Variants in MAST2 observed in about 807,000 individuals in gnomAD.
MAST2 encodes the protein microtubule associated serine/threonine kinase 2, also known as microtubule-associated serine/threonine-protein kinase 2.
In MAST2, 70 loss-of-function variants were observed where a neutral mutation model predicts 147.4. The observed-to-expected ratio is 0.47, with a 90% CI of 0.39 to 0.58. MAST2 has a LOEUF of 0.58. Ranked by LOEUF, MAST2 falls within the 20% of genes least tolerant of loss-of-function variation. MAST2 has a pLI of 0.00. For missense variants in MAST2, 2,080 were observed against 2,302.3 expected (o/e 0.90, Z 1.98); for synonymous variants, 869 against 896.8 (o/e 0.97, Z 0.55).
intron 5 of MAST2, among the ~76,000 whole-genome samples, chr1:45,969,182 C>A (rs1406659445): frequency 6.6e-6 from 1 of 152,300 alleles, no homozygotes; most frequent in East Asian, 1.9e-4. Context: ...TCATATCTGA[C>A]TCTGGTTCTG....
intron 4 of MAST2, among the ~76,000 whole-genome samples, chr1:45,946,942 A>G (rs1570871763): frequency 6.6e-6 from 1 of 152,112 alleles, no homozygotes; most frequent in East Asian, 1.9e-4. Flanking sequence ...CCTCTCGTCC[A>G]TGAAGTTAGG....
At chr1:45,825,122 T>A (rs1644752284) in intron 2 of MAST2, among the ~76,000 whole-genome samples, 1 of 152,098 alleles carries the variant, frequency 6.6e-6, no homozygotes, top group Non-Finnish European at 1.5e-5. Flanking sequence ...GCCTCCCGGA[T>A]TCATGCCATT....
intron 4 of MAST2, among the ~76,000 whole-genome samples, chr1:45,927,578 G>A (rs1263457488): frequency 2.0e-5 from 3 of 152,136 alleles, no homozygotes; most frequent in Non-Finnish European, 4.4e-5. Context: ...ACTCACCGGC[G>A]GTCAGAGTTT....
intron 15 of MAST2, among the ~76,000 whole-genome samples, chr1:46,024,873 C>T (rs1646337819): frequency 6.6e-6 from 1 of 152,180 alleles, no homozygotes; most frequent in African/African-American, 2.4e-5. Context: ...AAAGGCATAC[C>T]AGAGACTGGG....
chr1:45,882,397 T>G lies in MAST2; in HGVS notation c.500+2T>G, dbSNP rs758954416. 6.2e-7 allele frequency: 1 copy of G among 1,609,828 alleles called. No individual in the cohort carries two copies. Among genetic ancestry groups the G allele is most frequent in the South Asian group, 1.1e-5 (1 of 90,954 alleles). Reference sequence around the variant, plus strand: ...GAGCCTTCCAAGAAGAGGCAGCTTGTAAGTAGATGATTATTACCATTATGA... The same window carrying G: ...GAGCCTTCCAAGAAGAGGCAGCTTGGAAGTAGATGATTATTACCATTATGA... On this transcript the variant is annotated splice_donor_variant, in intron 4 of 28. Coordinates refer to ENST00000361297, the MANE Select transcript of MAST2 (RefSeq NM_015112.3). LOFTEE classifies it high-confidence loss of function.
At chr1:45,837,119 C>CT (rs1196220206) in intron 3 of MAST2, among the ~76,000 whole-genome samples, 1 of 152,200 alleles carries the variant, frequency 6.6e-6, no homozygotes, top group Non-Finnish European at 1.5e-5. Flanking sequence ...GCCATGTGGC[C>CT]TGGTCCCTAA....
At chr1:45,931,979 C>T (rs1424689211) in intron 4 of MAST2, among the ~76,000 whole-genome samples, 1 of 152,196 alleles carries the variant, frequency 6.6e-6, no homozygotes, top group Admixed American at 6.5e-5. Context: ...GCGTGAGCTA[C>T]TGCACCCAGC....
At chr1:45,935,101 G>T (rs1655986971) in intron 4 of MAST2, among the ~76,000 whole-genome samples, 1 of 152,192 alleles carries the variant, frequency 6.6e-6, no homozygotes, top group African/African-American at 2.4e-5. Flanking sequence ...ATTCTGGTTA[G>T]TGTAAAATGG....
intron 4 of MAST2, among the ~76,000 whole-genome samples, chr1:45,910,652 CAAAT>C (rs937644258): frequency 1.9e-4 from 29 of 152,278 alleles, no homozygotes; most frequent in African/African-American, 6.7e-4. Flanking sequence ...AGGAAGAAAT[CAAAT>C]AAATGGATGT....
intron 7 of MAST2, among the ~76,000 whole-genome samples, chr1:46,005,838 G>A (rs987714854): frequency 6.6e-6 from 1 of 152,152 alleles, no homozygotes; most frequent in Non-Finnish European, 1.5e-5. Flanking sequence ...GCAGCCAAAA[G>A]GAAACATTGC....
intron 4 of MAST2, among the ~76,000 whole-genome samples, chr1:45,897,285 A>C (rs1648893555): frequency 6.6e-6 from 1 of 152,204 alleles, no homozygotes; most frequent in Non-Finnish European, 1.5e-5. Flanking sequence ...ACCATCAGGC[A>C]ATATAGTTGC....
intron 4 of MAST2, among the ~76,000 whole-genome samples, chr1:45,939,989 T>TTTTTTTTTTTTTGTTTTTTTTG (rs1656969958): frequency 3.1e-5 from 4 of 128,926 alleles, no homozygotes; most frequent in East Asian, 2.4e-4. Flanking sequence ...GGTTTTTTTT[T>TTTTTTTTTTTTTGTTTTTTTTG]TTTTTTTTTT....
rs377319896 is a variant in MAST2, at chr1:46,030,761, T to G, written c.2708T>G (p.Ile903Arg). 1.0e-5 allele frequency: 16 copies of G among 1,575,132 alleles called. No individual in the cohort carries two copies. The African/African-American group carries it at 1.8e-4, about 17-fold the overall frequency. The part of the protein sequence containing the change: ...DRSWVIGSPE[I>R]LRKRLSVSES... ...AGCTGGGTGATTGGCTCCCCTGAGA[T>G]GTGAGCACCCAGAGTTCACCCAGGG... is the stretch of plus-strand genomic sequence containing the variant. Residue 903 changes from isoleucine (I) to arginine (R), a missense_variant and splice_region_variant, in exon 22 of 29, where the codon ATA becomes AGA. Ile to Arg is a moderately conservative substitution (Grantham distance 97). Transcript: ENST00000361297.
At chr1:45,913,890 T>G (rs1181929411) in intron 4 of MAST2, 1 of 1,234,680 alleles carries the variant, frequency 8.1e-7, no homozygotes, top group Admixed American at 3.1e-5. Context: ...GTAAGGAGGT[T>G]GGGGTCTCTA....
intron 10 of MAST2, among the ~76,000 whole-genome samples, chr1:46,016,435 T>A (rs1485031278): frequency 2.0e-5 from 3 of 151,944 alleles, no homozygotes; most frequent in Non-Finnish European, 4.4e-5. Flanking sequence ...GAAAACCCCA[T>A]TGTCTCAGCC....
At chr1:45,981,294 A>T (rs945786698) in intron 5 of MAST2, among the ~76,000 whole-genome samples, 1 of 151,744 alleles carries the variant, frequency 6.6e-6, no homozygotes, top group African/African-American at 2.4e-5. Context: ...CTGGTCTCAA[A>T]CTCCTGACCT....
intron 3 of MAST2, among the ~76,000 whole-genome samples, chr1:45,852,351 G>A (rs1234060512): frequency 6.6e-6 from 1 of 151,832 alleles, no homozygotes; most frequent in Admixed American, 6.6e-5. Flanking sequence ...TTCTCTATGT[G>A]AATTATATTT....
intron 3 of MAST2, among the ~76,000 whole-genome samples, chr1:45,843,748 G>C (rs6701614): frequency 0.45 from 67,757 of 151,958 alleles, 15,308 homozygotes; most frequent in East Asian, 0.62. Flanking sequence ...TTCACTCTTA[G>C]TTTTTCTTTT....
chr1:46,021,488 C>T (rs1268671564), intron 11 of MAST2, among the ~76,000 whole-genome samples: 3 of 152,344 alleles, frequency 2.0e-5, no homozygotes, highest in African/African-American at 7.2e-5. Flanking sequence ...TTGTGCTTTT[C>T]AATGGATTTC....
Sources: gnomAD v4.1 joint callset for allele counts (sites outside exome capture counted in the v4.1 genomes callset) on GRCh38, gnomAD v4.1.1 for gene constraint, MANE v1.5 for transcripts, NCBI Gene and HGNC (gene_info 2026-07-23, HGNC 2026-07-21) for gene names.